The following MICAL3 variants were observed in gnomAD, a reference collection of about 807,000 sequenced individuals.
MICAL3 encodes the protein microtubule associated monooxygenase, calponin and LIM domain containing 3.
Under a neutral mutation model 207.4 loss-of-function variants are expected in MICAL3, and 62 were observed. The observed-to-expected ratio is 0.30, with a 90% CI of 0.24 to 0.37. The LOEUF is 0.37. Among genes scored for constraint, MICAL3 ranks in the 10% least tolerant of loss-of-function variants. The pLI is 1.00. For synonymous variants in MICAL3, 1,077 were observed against 1,069.3 expected, an observed-to-expected ratio of 1.01 and a Z score of -0.14; for missense variants, 2,368 against 2,635.6, an observed-to-expected ratio of 0.90 and a Z score of 2.22.
intron 29 of MICAL3, among the ~76,000 whole-genome samples, chr22:17,805,266 C>T (rs577263522): frequency 2.6e-5 from 4 of 152,186 alleles, no homozygotes; most frequent in Non-Finnish European, 5.9e-5. Flanking sequence ...AGAAGAGGAA[C>T]GGGACGCAGA....
At chr22:17,797,618 C>T (rs571839581) in intron 29 of MICAL3, among the ~76,000 whole-genome samples, 2 of 152,296 alleles carry the variant, frequency 1.3e-5, no homozygotes, top group South Asian at 2.1e-4. Flanking sequence ...TCTGCATTTC[C>T]GACTCAATCA....
At chr22:17,810,836 C>A (rs1349220228) in intron 27 of MICAL3, 23 bp from the exon 28 acceptor site, 1 of 1,601,800 alleles carries the variant, frequency 6.2e-7, no homozygotes, top group Non-Finnish European at 8.6e-7. Flanking sequence ...AGAGAAACTT[C>A]CTCAGTCAGG....
chr22:17,954,017 G>T (rs997522662), intron 1 of MICAL3, among the ~76,000 whole-genome samples: 2 of 149,744 alleles, frequency 1.3e-5, no homozygotes, highest in Non-Finnish European at 3.0e-5. Flanking sequence ...GAAAAGAAAC[G>T]GCATTCTGGG....
chr22:17,867,079 CTTCCCT>C (rs901500536), intron 17 of MICAL3, among the ~76,000 whole-genome samples: 7 of 152,204 alleles, frequency 4.6e-5, no homozygotes, highest in South Asian at 4.1e-4. Context: ...AGATGGCATT[CTTCCCT>C]TTCCCTTTCC....
intron 1 of MICAL3, among the ~76,000 whole-genome samples, chr22:17,946,552 T>G (rs887785251): frequency 6.6e-6 from 1 of 152,156 alleles, no homozygotes; most frequent in African/African-American, 2.4e-5. Context: ...TCTCAGCACA[T>G]GCGACACTGA....
chr22:17,876,729 AGGGAGC>A (rs1405236107), intron 16 of MICAL3: 4 of 151,152 alleles, frequency 2.6e-5, no homozygotes, highest in African/African-American at 9.9e-5. Flanking sequence ...TATGGAGGTT[AGGGAGC>A]TTATGGAGGT....
At chr22:17,886,689 C>T (rs1003612777) in intron 15 of MICAL3, among the ~76,000 whole-genome samples, 40 of 151,886 alleles carry the variant, frequency 2.6e-4, no homozygotes, top group African/African-American at 8.7e-4. Flanking sequence ...CCTGTAATCC[C>T]AGCTACTTGG....
chr22:17,995,181 C>T lies in MICAL3; in HGVS notation c.-75+29100G>A, dbSNP rs564223000. 9.9e-5 allele frequency among the ~76,000 whole-genome samples: 15 copies of T among 152,226 alleles called. No homozygotes were observed. In the East Asian group the frequency reaches 2.9e-3, roughly 29 times the overall value. ...CTTCTTTAATCTGATTTCTGTCCTC[C>T]CTTTTTCTTTTAAGAGACAGGGTCT... is the stretch of plus-strand genomic sequence containing the variant. On this transcript the variant is annotated intron_variant, in intron 1 of 31. Coordinates refer to ENST00000441493, the MANE Select transcript of MICAL3 (RefSeq NM_015241.3).
At chr22:17,999,966 C>T (rs932774712) in intron 1 of MICAL3, among the ~76,000 whole-genome samples, 1 of 152,172 alleles carries the variant, frequency 6.6e-6, no homozygotes, top group African/African-American at 2.4e-5. Context: ...ATGGAATGAA[C>T]GGCATCCTCT....
At chr22:17,903,976 C>T (rs5992896) in intron 3 of MICAL3, among the ~76,000 whole-genome samples, 135 of 152,328 alleles carry the variant, frequency 8.9e-4, no homozygotes, top group African/African-American at 2.4e-3. Flanking sequence ...AGTCAAACAC[C>T]GCTGATTGCA....
At chr22:17,964,930 C>T (rs1053190444) in intron 1 of MICAL3, among the ~76,000 whole-genome samples, 3 of 152,140 alleles carry the variant, frequency 2.0e-5, no homozygotes, top group Admixed American at 6.5e-5. Context: ...TAAACTGAAG[C>T]GCGGTGGAGG....
At chr22:17,931,489 G>A (rs1325227686) in intron 1 of MICAL3, among the ~76,000 whole-genome samples, 2 of 152,196 alleles carry the variant, frequency 1.3e-5, no homozygotes, top group Admixed American at 1.3e-4. Context: ...TTCTGACCAG[G>A]ACCAGGGTTG....
At chr22:17,899,284 T>G (rs1165099892) in intron 7 of MICAL3, 164 bp downstream of exon 7, 1 of 697,812 alleles carries the variant, frequency 1.4e-6, no homozygotes, top group Admixed American at 2.0e-5. Context: ...TTAGCCATAG[T>G]TAAGAGTTGT....
chr22:17,964,979 C>A (rs1262369887), intron 1 of MICAL3, among the ~76,000 whole-genome samples: 1 of 152,092 alleles, frequency 6.6e-6, no homozygotes. Flanking sequence ...AAAACAGAAA[C>A]GCCATCGCTG....
At chr22:17,821,713 G>A (rs902177597) in intron 24 of MICAL3, among the ~76,000 whole-genome samples, 14 of 152,240 alleles carry the variant, frequency 9.2e-5, no homozygotes, top group African/African-American at 3.4e-4. Flanking sequence ...ACTCTCTGCA[G>A]GTGCTCCTGT....
chr22:17,849,338 A>G (rs576147378), intron 19 of MICAL3, among the ~76,000 whole-genome samples: 1 of 152,276 alleles, frequency 6.6e-6, no homozygotes, highest in East Asian at 1.9e-4. Flanking sequence ...ATCATGCAGG[A>G]AAGAATTTGT....
At chr22:17,842,665 C>T (rs1026171451) in intron 19 of MICAL3, among the ~76,000 whole-genome samples, 8 of 152,256 alleles carry the variant, frequency 5.3e-5, no homozygotes, top group Non-Finnish European at 8.8e-5. Context: ...GGCACCCAGG[C>T]CTCTCTGCGA....
intron 19 of MICAL3, among the ~76,000 whole-genome samples, chr22:17,854,511 G>A (rs1207669716): frequency 6.6e-6 from 1 of 152,136 alleles, no homozygotes; most frequent in Non-Finnish European, 1.5e-5. Context: ...AGGACCAACC[G>A]AGAACTGCCT....
chr22:17,901,829 A>G lies in MICAL3; in HGVS notation c.691+49T>C, dbSNP rs1353253801. 3.5e-6 allele frequency: 5 copies of G among 1,441,164 alleles called. No homozygotes were observed. The South Asian group carries it at 3.5e-5, about 10-fold the overall frequency. The allele number at this position is 1,441,164 out of a possible 1,614,324, so 89.3% of individuals were successfully genotyped here. A position where few individuals can be genotyped will look rare whatever the true frequency, so the allele number is the denominator to read the frequency against. On this transcript the variant is annotated intron_variant, in intron 5 of 31. Coordinates refer to ENST00000441493, the MANE Select transcript of MICAL3 (RefSeq NM_015241.3). The stretch of plus-strand genomic sequence containing the variant: ...AGTCTCGCCCCAGAGGTAGGATAGC[A>G]TCAGCTTTCCCTCTGCTATGAGCCA...
Sources: allele counts gnomAD v4.1 joint callset (sites outside exome capture counted in the v4.1 genomes callset), GRCh38; gene constraint gnomAD v4.1.1; transcripts MANE v1.5; gene names NCBI Gene and HGNC (gene_info 2026-07-23, HGNC 2026-07-21).